Variants in ATP2A3 observed in about 807,000 individuals in gnomAD.
ATP2A3 encodes ATPase sarcoplasmic/endoplasmic reticulum Ca2+ transporting 3, also known as sarcoplasmic/endoplasmic reticulum calcium ATPase 3.
A neutral mutation model predicts 106.8 loss-of-function variants in ATP2A3; 61 were observed. The ratio of observed to expected loss-of-function variants is 0.57; its 90% CI spans 0.46 to 0.71. ATP2A3 has a LOEUF of 0.71. ATP2A3 is among the 30% of genes least tolerant of loss of function. The pLI is 0.00. For synonymous variants in ATP2A3, 611 were observed against 609.3 expected, an observed-to-expected ratio of 1.00 and a Z score of -0.04; for missense variants, 1,201 against 1,423.5, an observed-to-expected ratio of 0.84 and a Z score of 2.52.
chr17:3,951,148 G>C, intron 5 of ATP2A3, 103 bp downstream of exon 5: 1 of 1,093,932 alleles, frequency 9.1e-7, no homozygotes, highest in Non-Finnish European at 1.2e-6. Flanking sequence ...ACTCCAGTCT[G>C]GGCAACAGAG....
intron 1 of ATP2A3, among the ~76,000 whole-genome samples, chr17:3,957,477 G>A (rs1268576901): frequency 1.3e-5 from 2 of 152,158 alleles, no homozygotes; most frequent in East Asian, 3.9e-4. Flanking sequence ...TTCAGTCGGC[G>A]TGCCCCTCTG....
chr17:3,951,523 G>A, intron 4 of ATP2A3, 58 bp downstream of exon 4: 1 of 1,556,556 alleles, frequency 6.4e-7, no homozygotes, highest in Non-Finnish European at 8.7e-7. Flanking sequence ...CAGGTGGAGG[G>A]CACTCCTAGT....
intron 14 of ATP2A3, among the ~76,000 whole-genome samples, chr17:3,940,043 G>GTTTTTTT (rs1294599615): frequency 1.1e-4 from 10 of 87,616 alleles, no homozygotes; most frequent in East Asian, 3.1e-4. Flanking sequence ...TTTTTTTTTT[G>GTTTTTTT]TTTTTTGTTT....
chr17:3,942,944 C>A (rs1478482238), intron 11 of ATP2A3, among the ~76,000 whole-genome samples: 10 of 152,316 alleles, frequency 6.6e-5, no homozygotes, highest in South Asian at 4.1e-4. Flanking sequence ...TGCAGCCCAA[C>A]TCCAAACCTT....
chr17:3,950,413 C>T lies in ATP2A3; in HGVS notation c.630+98G>A, dbSNP rs1252907755. 3.7e-6 allele frequency: 5 copies of T among 1,349,352 alleles called. No homozygotes were observed. In the Admixed American group the frequency reaches 8.9e-5, roughly 24 times the overall value. The allele number at this position is 1,349,352 out of a possible 1,614,324, so 83.6% of individuals were successfully genotyped here. On this transcript the variant is annotated intron_variant, in intron 7 of 20. Transcript: ENST00000397041. ...TCCTGACCTCAGGTGATCCACCCAC[C>T]TCAGCCTCCCAAAGTGCTGGGATTA...
rs771994264 is a variant in ATP2A3 at position 3,941,563 on chromosome 17, AG to A, written c.1636del (p.Leu546TrpfsTer46). 1.9e-6 allele frequency: 3 copies of A among 1,613,682 alleles called. No homozygotes were observed. On this transcript the variant is annotated frameshift_variant, in exon 13 of 21. Transcript: ENST00000397041. LOFTEE classifies it high-confidence loss of function. ...TGAGCCCCAATCCCGGATCTTTGCC[AG>A]GATCTGCTCCCTGGAGGTGGGGGTC... ...PLTPTSREQI[L>X]AKIRDWGSGS...
At chr17:3,963,948 G>T (rs1277681878) in intron 1 of ATP2A3, among the ~76,000 whole-genome samples, 4 of 152,104 alleles carry the variant, frequency 2.6e-5, no homozygotes, top group Non-Finnish European at 5.9e-5. Flanking sequence ...AGGGTGCCAG[G>T]CGTCCGGTCT....
intron 3 of ATP2A3, among the ~76,000 whole-genome samples, chr17:3,952,079 G>A (rs1379581447): frequency 1.3e-5 from 2 of 152,186 alleles, no homozygotes; most frequent in Non-Finnish European, 2.9e-5. Flanking sequence ...TCACCTGTGT[G>A]TCGGCAAGCC....
chr17:3,947,991 G>C lies in ATP2A3; in HGVS notation c.631-136C>G. The C allele has an allele frequency of 1.2e-6, 1 of 833,670 alleles. No homozygotes were observed. The highest frequency in any genetic ancestry group is 1.6e-5 in the South Asian group (1 of 62,536). The allele number at this position is 833,670 out of a possible 1,614,324, so 51.6% of individuals were successfully genotyped here. On this transcript the variant is annotated intron_variant, in intron 7 of 20. Coordinates refer to ENST00000397041, the MANE Select transcript of ATP2A3 (RefSeq NM_005173.4). This position sits in a 1 kb window ranked among gnomAD's most constrained non-coding sequence, Gnocchi z 7.7. ...TTTCTCCATGTTGCTAGTGCTTCCA[G>C]ACTCCTGTAGCTATGTATGCACGGG... is the stretch of plus-strand genomic sequence containing the variant.
In ATP2A3 at chr17:3,954,604, C is replaced by T. The variant is rs181050729; in HGVS notation, c.119-894G>A. ...CTCCACCTCCCGGGTTCAAGCGATT[C>T]TCCTGCCTTAGCCTCCTGAGTAGCT... On this transcript the variant is annotated intron_variant, in intron 1 of 20. Coordinates refer to ENST00000397041, the MANE Select transcript of ATP2A3 (RefSeq NM_005173.4). 3.2e-3 allele frequency among the ~76,000 whole-genome samples: 485 copies of T among 151,702 alleles called. 4 individuals carry two copies. Among genetic ancestry groups the T allele is most frequent in the Middle Eastern group, 0.017 (5 of 292 alleles).
At position 3,950,764 on chromosome 17, in the gene ATP2A3, T is replaced by C; in HGVS notation, c.473A>G (p.Lys158Arg). The change falls in exon 6 of 21, where the codon AAA becomes AGA. Residue 158 changes from lysine (K) to arginine (R), a missense_variant. Physicochemically the swap from Lys to Arg is conservative, Grantham distance 26. Around this residue, in one of 2 missense-constraint regions of ATP2A3, gnomAD observed 266 missense variants for 246.8 expected, o/e 1.08. Transcript: ENST00000397041. ...GATGAGGCGGAGGTCAGCAGGCACT[T>C]TGTCCCCCACTGTGCGGGGAGAATG... ...GDIVEVAVGD[K>R]VPADLRLIEI... 1 of 1,613,146 alleles carries C rather than the reference T, an allele frequency of 6.2e-7. No homozygotes were observed. The highest frequency in any genetic ancestry group is 8.5e-7 in the Non-Finnish European group (1 of 1,179,892).
Position 3,928,846 on chromosome 17 carries a change from G to T in ATP2A3, c.2863-66C>A. On this transcript the variant is annotated intron_variant, in intron 19 of 20. Transcript: ENST00000397041. This position sits in a 1 kb window ranked among gnomAD's most constrained non-coding sequence, Gnocchi z 6.1. ...TGGCTGTCCCGTGCCCCAGCCATCT[G>T]CTGGCCTTATCCACCTGGGCTCTGA... The T allele has an allele frequency of 1.5e-6, 2 of 1,315,192 alleles. No homozygotes were observed. Among genetic ancestry groups the T allele is most frequent in the Non-Finnish European group, 2.1e-6 (2 of 938,808 alleles). The allele number at this position is 1,315,192 out of a possible 1,614,324, so 81.5% of individuals were successfully genotyped here. A position where few individuals can be genotyped will look rare whatever the true frequency, so the allele number is the denominator to read the frequency against.
Position 3,942,594 on chromosome 17 carries a change from G to A in ATP2A3, c.1545+12C>T. On this transcript the variant is annotated intron_variant, in intron 12 of 20. Transcript: ENST00000397041. The stretch of plus-strand genomic sequence containing the variant: ...GCGCGCAGGGGCCCAGGCCAGCCAG[G>A]CAGGCCCCCACCTTCACAAACATCT... The A allele has an allele frequency of 6.2e-7, 1 of 1,608,592 alleles. No individual in the cohort carries two copies. Among genetic ancestry groups the A allele is most frequent in the Non-Finnish European group, 8.5e-7 (1 of 1,179,596 alleles).
chr17:3,963,750 G>A (rs949182281), intron 1 of ATP2A3, among the ~76,000 whole-genome samples: 2 of 152,212 alleles, frequency 1.3e-5, no homozygotes, highest in Admixed American at 6.5e-5. Context: ...GGAGACCCTG[G>A]GGCCAGCTGG....
At chr17:3,940,040 T>G (rs1172194948) in intron 14 of ATP2A3, among the ~76,000 whole-genome samples, 5 of 92,966 alleles carry the variant, frequency 5.4e-5, no homozygotes, top group East Asian at 2.2e-4. Context: ...TCTTTTTTTT[T>G]TTGTTTTTTG....
rs1482077473 is a variant in ATP2A3, at chr17:3,928,962, C to T, written c.2863-182G>A. On this transcript the variant is annotated intron_variant, in intron 19 of 20. Transcript: ENST00000397041. The surrounding 1 kb of genome is among the most constrained non-coding windows in gnomAD (Gnocchi z 6.1). ...CACCCCCCGATCTTTGTCTGTTCAG[C>T]TGCACCCCCCAATCTTTGTCCGCTC... 1.3e-5 allele frequency among the ~76,000 whole-genome samples: 2 copies of T among 150,026 alleles called. No homozygotes were observed. Among genetic ancestry groups the T allele is most frequent in the Admixed American group, 6.6e-5 (1 of 15,044 alleles).
rs1161676589 is a variant in ATP2A3 at position 3,923,923 on chromosome 17, G to A, written c.*1499C>T. On this transcript the variant is annotated 3_prime_UTR_variant, in exon 21 of 21. Transcript: ENST00000397041. The stretch of plus-strand genomic sequence containing the variant: ...TCTCTACCAAACAGCAGGTCAGCAG[G>A]TGGGTACAGGGCCCGCTCCTGCTAA... 3 of 152,270 alleles carry A rather than the reference G, an allele frequency of 2.0e-5. No individual in the cohort carries two copies. The highest frequency in any genetic ancestry group is 1.3e-4 in the Admixed American group (2 of 15,290). The allele number at this position is 152,270 out of a possible 1,614,324, so 9.4% of individuals were successfully genotyped here. A position where few individuals can be genotyped will look rare whatever the true frequency, so the allele number is the denominator to read the frequency against.
In ATP2A3 at chr17:3,955,943, G is replaced by A. The variant is rs1011238742; in HGVS notation, c.119-2233C>T. On this transcript the variant is annotated intron_variant, in intron 1 of 20. Coordinates refer to ENST00000397041, the MANE Select transcript of ATP2A3 (RefSeq NM_005173.4). This position sits in a 1 kb window ranked among gnomAD's most constrained non-coding sequence, Gnocchi z 4.2. Reference sequence around the variant, plus strand: ...CTCGCCCAGGCTGGAGCGCAGTGGCGGGATCTTGGCTTACTGCAACCTCCG... The same window carrying A: ...CTCGCCCAGGCTGGAGCGCAGTGGCAGGATCTTGGCTTACTGCAACCTCCG... 3.3e-5 allele frequency among the ~76,000 whole-genome samples: 5 copies of A among 151,512 alleles called. No individual in the cohort carries two copies. Among genetic ancestry groups the A allele is most frequent in the East Asian group, 1.9e-4 (1 of 5,162 alleles).
chr17:3,944,999 C>A (rs1487617733), intron 9 of ATP2A3, 61 bp downstream of exon 9: 1 of 1,365,288 alleles, frequency 7.3e-7, no homozygotes, highest in African/African-American at 1.6e-5. Flanking sequence ...CACCTCGGCG[C>A]CGCCACGCGT....
Sources: allele counts gnomAD v4.1 joint callset (sites outside exome capture counted in the v4.1 genomes callset), GRCh38; gene constraint gnomAD v4.1.1; regional missense constraint gnomAD v4.1.1; non-coding constraint Gnocchi (gnomAD v3.1); transcripts MANE v1.5; gene names NCBI Gene and HGNC (gene_info 2026-07-23, HGNC 2026-07-21).